CACNA2D2: variants seen among roughly 807,000 people sequenced by gnomAD.
CACNA2D2 encodes the protein calcium voltage-gated channel auxiliary subunit alpha2delta 2.
Under a neutral mutation model 166.4 loss-of-function variants are expected in CACNA2D2, and 48 were observed. The ratio of observed to expected loss-of-function variants is 0.29; its 90% CI spans 0.23 to 0.37. The LOEUF is 0.37. Ranked by LOEUF, CACNA2D2 falls within the 10% of genes least tolerant of loss-of-function variation. The pLI is 1.00. For synonymous variants in CACNA2D2, 561 were observed against 573.7 expected (o/e 0.98, Z 0.32); for missense variants, 1,122 against 1,433.0 (o/e 0.78, Z 3.50).
At chr3:50,417,387 C>T (rs1050310980) in intron 3 of CACNA2D2, among the ~76,000 whole-genome samples, 6 of 152,316 alleles carry the variant, frequency 3.9e-5, no homozygotes, top group Middle Eastern at 3.4e-3. Flanking sequence ...CTAGGCAGGC[C>T]CTGCAACCCT....
chr3:50,381,227 A>G, intron 6 of CACNA2D2, 101 bp from the exon 7 acceptor site: 1 of 1,413,258 alleles, frequency 7.1e-7, no homozygotes, highest in South Asian at 1.2e-5. Context: ...AGAATCCCCC[A>G]ACTGTTCTCG....
rs1706549029 is a variant in CACNA2D2 at position 50,403,537 on chromosome 3, C to T, written c.406-9369G>A. 1.3e-5 allele frequency among the ~76,000 whole-genome samples: 2 copies of T among 152,280 alleles called. 1 individual carries two copies. The highest frequency in any genetic ancestry group is 6.8e-3 in the Middle Eastern group (2 of 294). ...TTCCTGACCAGACCTCTCCCAAGCC[C>T]TGCAACCCACCTTCAGACTCCCAAC... On this transcript the variant is annotated intron_variant, in intron 3 of 37. Coordinates refer to ENST00000424201, the MANE Select transcript of CACNA2D2 (RefSeq NM_006030.4).
intron 1 of CACNA2D2, among the ~76,000 whole-genome samples, chr3:50,486,115 C>A (rs1698269363): frequency 6.6e-6 from 1 of 152,188 alleles, no homozygotes; most frequent in African/African-American, 2.4e-5. Flanking sequence ...GCATGATCAG[C>A]CCTCAGGAGG....
intron 3 of CACNA2D2, among the ~76,000 whole-genome samples, chr3:50,395,705 G>A (rs1326517867): frequency 6.6e-6 from 1 of 152,216 alleles, no homozygotes; most frequent in East Asian, 1.9e-4. Flanking sequence ...TGGACTAGCA[G>A]GGCAGGGAGG....
intron 3 of CACNA2D2, among the ~76,000 whole-genome samples, chr3:50,422,722 C>T (rs1707630913): frequency 1.3e-5 from 2 of 152,218 alleles, no homozygotes; most frequent in African/African-American, 4.8e-5. Context: ...AAATCACTGG[C>T]AAAGGCCACA....
rs760553541 is a variant in CACNA2D2, at chr3:50,378,111, AGT to A, written c.1390-16_1390-15del. 7.4e-6 allele frequency: 12 copies of A among 1,611,956 alleles called. No individual in the cohort carries two copies. The highest frequency in any genetic ancestry group is 1.0e-5 in the Non-Finnish European group (12 of 1,178,988). On this transcript the variant is annotated splice_polypyrimidine_tract_variant and intron_variant, in intron 14 of 37. Coordinates refer to ENST00000424201, the MANE Select transcript of CACNA2D2 (RefSeq NM_006030.4). ...ATCTAGATATTCCTGGGGAGGGGGC[AGT>A]GGTGGGGGTAATGAGTGCCTTTCCC...
chr3:50,365,165 G>A lies in CACNA2D2; in HGVS notation c.3118C>T (p.Leu1040=), dbSNP rs1192456973. The A allele has an allele frequency of 6.2e-7, 1 of 1,612,092 alleles. No homozygotes were observed. The highest frequency in any genetic ancestry group is 1.1e-5 in the South Asian group (1 of 91,086). The part of the protein sequence containing the change: ...NCSRLFHAQR[L]TNTNLLFVVA... ...ACAAAGAGAAGATTGGTGTTGGTCA[G>A]TCTCTGCGCGTGGAACAGCCTGCGG... Residue 1040 remains leucine (L), a synonymous_variant, in exon 36 of 38, where the codon CTG becomes TTG. Transcript: ENST00000424201. This position sits in a 1 kb window ranked among gnomAD's most constrained non-coding sequence, Gnocchi z 4.5.
intron 2 of CACNA2D2, among the ~76,000 whole-genome samples, chr3:50,447,667 T>C (rs1204529393): frequency 2.4e-4 from 37 of 152,256 alleles, no homozygotes; most frequent in Non-Finnish European, 4.4e-5. Context: ...CCTGAGTTGG[T>C]CCTGCTCAGT....
At chr3:50,384,758 G>A (rs1705506763) in intron 5 of CACNA2D2, among the ~76,000 whole-genome samples, 1 of 152,182 alleles carries the variant, frequency 6.6e-6, no homozygotes, top group African/African-American at 2.4e-5. Flanking sequence ...CCTCCTAGGA[G>A]CTCAGGGCCC....
rs61275090 is a variant in CACNA2D2, at chr3:50,379,293, C to A, written c.1153-94G>T. The A allele has an allele frequency of 6.1e-3, 8,880 of 1,448,844 alleles. 475 individuals carry two copies. The African/African-American group carries it at 0.11, about 18-fold the overall frequency. 89.7% of individuals were successfully genotyped at this position (1,448,844 alleles called of 1,614,324 possible). On this transcript the variant is annotated intron_variant, in intron 11 of 37. Transcript: ENST00000424201. This position sits in a 1 kb window ranked among gnomAD's most constrained non-coding sequence, Gnocchi z 6.5. The stretch of plus-strand genomic sequence containing the variant: ...GCAGTGGGCCTGGACCTCTGGCCCT[C>A]CTCCCCCACAGCAGATGGAGCTATC...
chr3:50,420,731 T>C (rs1305648338), intron 3 of CACNA2D2, among the ~76,000 whole-genome samples: 1 of 152,164 alleles, frequency 6.6e-6, no homozygotes, highest in Non-Finnish European at 1.5e-5. Flanking sequence ...CTGTCAGCTG[T>C]GTTTGCTGCA....
Position 50,365,302 on chromosome 3 carries a change from C to G in CACNA2D2, c.3098+54G>C. The G allele has an allele frequency of 3.1e-6, 5 of 1,598,398 alleles. No homozygotes were observed. Among genetic ancestry groups the G allele is most frequent in the Non-Finnish European group, 3.4e-6 (4 of 1,172,758 alleles). On this transcript the variant is annotated intron_variant, in intron 35 of 37. Transcript: ENST00000424201. This position sits in a 1 kb window ranked among gnomAD's most constrained non-coding sequence, Gnocchi z 4.5. ...GCCCCTTCCATCCTCCCGAGCGTCT[C>G]GCCCCGCTCACAGGTTCCGCCCTTG... is the stretch of plus-strand genomic sequence containing the variant.
At chr3:50,400,721 C>T (rs901105351) in intron 3 of CACNA2D2, among the ~76,000 whole-genome samples, 1 of 152,240 alleles carries the variant, frequency 6.6e-6, no homozygotes, top group Non-Finnish European at 1.5e-5. Context: ...TGGGACAGGA[C>T]GGGCACCCAG....
chr3:50,470,327 A>G (rs1223432255), intron 2 of CACNA2D2, among the ~76,000 whole-genome samples: 1 of 152,148 alleles, frequency 6.6e-6, no homozygotes, highest in Admixed American at 6.5e-5. Context: ...AGCCTGGAGG[A>G]GCCACTGGGG....
chr3:50,396,602 G>A (rs1706168312), intron 3 of CACNA2D2, among the ~76,000 whole-genome samples: 1 of 152,104 alleles, frequency 6.6e-6, no homozygotes, highest in African/African-American at 2.4e-5. Flanking sequence ...TTGTGTAGAG[G>A]GCATTACTGT....
chr3:50,445,235 C>A (rs1285851060), intron 2 of CACNA2D2, among the ~76,000 whole-genome samples: 1 of 152,216 alleles, frequency 6.6e-6, no homozygotes, highest in Non-Finnish European at 1.5e-5. Flanking sequence ...CTCCTAACAG[C>A]ATAGGTGCCG....
intron 1 of CACNA2D2, among the ~76,000 whole-genome samples, chr3:50,497,607 A>C (rs1225729017): frequency 6.6e-6 from 1 of 152,226 alleles, no homozygotes. Flanking sequence ...TCACAGTGGC[A>C]GGGCAGGGCT....
intron 3 of CACNA2D2, among the ~76,000 whole-genome samples, chr3:50,402,137 C>G (rs1203684744): frequency 6.6e-6 from 1 of 152,198 alleles, no homozygotes. Context: ...TGCTTTTTTG[C>G]TTTAAACTGG....
upstream of CACNA2D2, chr3:50,503,921 A>G (rs1311876147): frequency 6.6e-6 from 1 of 152,134 alleles, no homozygotes; most frequent in Non-Finnish European, 1.5e-5. Context: ...ACCCGCGGGA[A>G]GAGTCCCGGG....
Sources: gnomAD v4.1 joint callset for allele counts (sites outside exome capture counted in the v4.1 genomes callset) on GRCh38, gnomAD v4.1.1 for gene constraint, Gnocchi (gnomAD v3.1) non-coding constraint, MANE v1.5 for transcripts, NCBI Gene and HGNC (gene_info 2026-07-23, HGNC 2026-07-21) for gene names.